The following THRB variants were observed in gnomAD, a reference collection of about 807,000 sequenced individuals.
THRB encodes the protein thyroid hormone receptor beta.
Under a neutral mutation model 47.8 loss-of-function variants are expected in THRB, and 12 were observed. That is an observed-to-expected ratio of 0.25 (90% CI 0.16 to 0.41). The LOEUF (loss-of-function observed/expected upper bound fraction) is 0.41. THRB is among the 10% of genes least tolerant of loss of function. THRB has a pLI of 1.00. For missense variants in THRB, 348 were observed against 589.2 expected (o/e 0.59, Z 4.24); for synonymous variants, 218 against 212.2 (o/e 1.03, Z -0.24).
intron 3 of THRB, among the ~76,000 whole-genome samples, chr3:24,246,781 C>T (rs889391960): frequency 5.3e-5 from 8 of 152,122 alleles, no homozygotes; most frequent in Non-Finnish European, 1.2e-4. Flanking sequence ...CTCAGTTGTA[C>T]CATCTCTAGA....
intron 5 of THRB, among the ~76,000 whole-genome samples, chr3:24,157,956 T>A (rs1267470047): frequency 6.6e-6 from 1 of 152,172 alleles, no homozygotes; most frequent in Non-Finnish European, 1.5e-5. Flanking sequence ...AACCTTTCAA[T>A]CTACAATTAG....
intron 1 of THRB, among the ~76,000 whole-genome samples, chr3:24,443,696 G>T (rs1417565118): frequency 6.6e-6 from 1 of 152,046 alleles, no homozygotes; most frequent in African/African-American, 2.4e-5. Context: ...TAGATCAAAG[G>T]CAAAACTTAT....
At chr3:24,463,411 T>C (rs945258506) in intron 1 of THRB, among the ~76,000 whole-genome samples, 4 of 152,104 alleles carry the variant, frequency 2.6e-5, no homozygotes, top group Admixed American at 1.3e-4. Context: ...CAGGCACATG[T>C]GCGGCTAATT....
At chr3:24,324,850 T>C (rs150191162) in intron 2 of THRB, among the ~76,000 whole-genome samples, 1 of 152,328 alleles carries the variant, frequency 6.6e-6, no homozygotes, top group Non-Finnish European at 1.5e-5. Flanking sequence ...AGTAGGTAAA[T>C]GCTCTTACAA....
intron 3 of THRB, among the ~76,000 whole-genome samples, chr3:24,238,777 T>C (rs866963339): frequency 3.9e-5 from 6 of 152,164 alleles, no homozygotes; most frequent in Non-Finnish European, 4.4e-5. Context: ...TGAAGACTGC[T>C]GTGCTCCTGA....
chr3:24,382,650 T>C (rs2065803502), intron 1 of THRB, among the ~76,000 whole-genome samples: 1 of 152,138 alleles, frequency 6.6e-6, no homozygotes, highest in South Asian at 2.1e-4. Context: ...AAAATCCACA[T>C]AGATTAAGAA....
In THRB at chr3:24,119,165, A is replaced by G. The variant is rs2031197559; in HGVS notation, c.*3719T>C. 1 of 152,540 alleles carries G rather than the reference A, an allele frequency of 6.6e-6. No homozygotes were observed. The highest frequency in any genetic ancestry group is 6.5e-5 in the Admixed American group (1 of 15,276). The allele number at this position is 152,540 out of a possible 1,614,324, so 9.4% of individuals were successfully genotyped here. A position where few individuals can be genotyped will look rare whatever the true frequency, so the allele number is the denominator to read the frequency against. On this transcript the variant is annotated 3_prime_UTR_variant, in exon 11 of 11. Transcript: ENST00000646209. ...TAAATATGGATTATAGTCTATCACT[A>G]TCAAAAGAAACACTATGCTAATATT...
chr3:24,273,124 A>C (rs1168002113), intron 3 of THRB, among the ~76,000 whole-genome samples: 1 of 151,966 alleles, frequency 6.6e-6, no homozygotes, highest in African/African-American at 2.4e-5. Flanking sequence ...GGTTGCTATG[A>C]ATTAAACACA....
intron 1 of THRB, among the ~76,000 whole-genome samples, chr3:24,459,636 AC>A (rs1238152769): frequency 6.6e-6 from 1 of 152,006 alleles, no homozygotes; most frequent in Non-Finnish European, 1.5e-5. Context: ...TTGTTTCCTG[AC>A]TTTTTAATGA....
intron 8 of THRB, among the ~76,000 whole-genome samples, chr3:24,141,290 T>A (rs1372228238): frequency 2.0e-5 from 3 of 152,230 alleles, no homozygotes; most frequent in Non-Finnish European, 2.9e-5. Flanking sequence ...CAAGACTGGT[T>A]CTAATGACTA....
chr3:24,127,050 G>A (rs2032972670), intron 10 of THRB, among the ~76,000 whole-genome samples: 1 of 152,198 alleles, frequency 6.6e-6, no homozygotes, highest in African/African-American at 2.4e-5. Context: ...GGGTCGGTGT[G>A]CTATTTAGCA....
At chr3:24,178,307 C>G (rs369326823) in intron 5 of THRB, among the ~76,000 whole-genome samples, 11 of 152,224 alleles carry the variant, frequency 7.2e-5, no homozygotes, top group African/African-American at 2.6e-4. Flanking sequence ...TTTAGTATCT[C>G]TGTCCAAAAT....
At chr3:24,409,558 A>G (rs2068107122) in intron 1 of THRB, among the ~76,000 whole-genome samples, 1 of 151,832 alleles carries the variant, frequency 6.6e-6, no homozygotes, top group Non-Finnish European at 1.5e-5. Flanking sequence ...CTGTACAAGG[A>G]GAATTACAGT....
intron 1 of THRB, among the ~76,000 whole-genome samples, chr3:24,398,405 CA>C (rs2067135777): frequency 6.6e-6 from 1 of 152,236 alleles, no homozygotes; most frequent in East Asian, 1.9e-4. Flanking sequence ...ACCCCATCAA[CA>C]AGTGGGCGAA....
rs116271699 is a variant in THRB at position 24,323,985 on chromosome 3, C to A, written c.-189+13315G>T. On this transcript the variant is annotated intron_variant, in intron 2 of 10. Transcript: ENST00000646209. ...ATGTGCTACATCTGTTAATAAAAGACCTCCTCTTCCAGCTTCCACCTTGGT... is the reference window on the plus strand; with the variant it reads ...ATGTGCTACATCTGTTAATAAAAGAACTCCTCTTCCAGCTTCCACCTTGGT... 3.2e-3 allele frequency among the ~76,000 whole-genome samples: 494 copies of A among 152,162 alleles called. 1 individual carries two copies. Among genetic ancestry groups the A allele is most frequent in the African/African-American group, 0.011 (475 of 41,502 alleles).
chr3:24,228,983 C>T lies in THRB; in HGVS notation c.-24G>A, dbSNP rs1410943258. ...ATAGGTTAGTAATCATTCTGGATCC[C>T]TTTTTTCACTGACATCTCCTACAAG... On this transcript the variant is annotated 5_prime_UTR_variant, in exon 4 of 11. Transcript: ENST00000646209. 6.2e-7 allele frequency: 1 copy of T among 1,602,018 alleles called. No homozygotes were observed. Among genetic ancestry groups the T allele is most frequent in the Non-Finnish European group, 8.5e-7 (1 of 1,172,156 alleles).
chr3:24,474,568 A>G (rs1577853060), intron 1 of THRB, among the ~76,000 whole-genome samples: 1 of 152,238 alleles, frequency 6.6e-6, no homozygotes, highest in East Asian at 1.9e-4. Flanking sequence ...CAGAATTTGT[A>G]GAATCAATGG....
chr3:24,142,826 G>T (rs1238476923), intron 8 of THRB, among the ~76,000 whole-genome samples: 2 of 152,190 alleles, frequency 1.3e-5, no homozygotes, highest in Non-Finnish European at 2.9e-5. Context: ...GTAAAATGGG[G>T]ATAGTAATTC....
chr3:24,481,699 ATTTTAATC>A (rs1696450265), intron 1 of THRB, among the ~76,000 whole-genome samples: 1 of 152,114 alleles, frequency 6.6e-6, no homozygotes. Flanking sequence ...ACCAGAGAGG[ATTTTAATC>A]TCAATTCTAA....
Sources: gnomAD v4.1 joint callset for allele counts (sites outside exome capture counted in the v4.1 genomes callset) on GRCh38, gnomAD v4.1.1 for gene constraint, MANE v1.5 for transcripts, NCBI Gene and HGNC (gene_info 2026-07-23, HGNC 2026-07-21) for gene names.